Variants in ZNF605 observed in about 807,000 individuals in gnomAD.
ZNF605 encodes zinc finger protein 605.
In ZNF605, 9 loss-of-function variants were observed where a neutral mutation model predicts 7.9. The observed-to-expected ratio is 1.14, with a 90% CI of 0.68 to 1.98. The LOEUF (loss-of-function observed/expected upper bound fraction) is 1.98, where lower values mean the gene tolerates loss of function less well. ZNF605 is among the 30% of genes most tolerant of loss of function. ZNF605 has a pLI of 0.00. For synonymous variants in ZNF605, 255 were observed against 260.1 expected, an observed-to-expected ratio of 0.98 and a Z score of 0.19; for missense variants, 673 against 762.4, an observed-to-expected ratio of 0.88 and a Z score of 1.38.
rs1952215049 is a variant in ZNF605 at position 132,922,648 on chromosome 12, C to A, written c.*2725G>T. ...AACTCAAGAACAATTAATAAAGGCA[C>A]TATTTACAAATATGTGTTCACAATT... On this transcript the variant is annotated 3_prime_UTR_variant, in exon 5 of 5. Coordinates refer to ENST00000360187, the MANE Select transcript of ZNF605 (RefSeq NM_183238.4). The A allele has an allele frequency of 6.6e-6, 1 of 152,164 alleles. No individual in the cohort carries two copies. The highest frequency in any genetic ancestry group is 1.5e-5 in the Non-Finnish European group (1 of 68,038). 9.4% of individuals were successfully genotyped at this position (152,164 alleles called of 1,614,324 possible).
In ZNF605 at chr12:132,925,690, C is replaced by G. The variant is rs1952239890; in HGVS notation, c.1609G>C (p.Glu537Gln). The G allele has an allele frequency of 1.9e-6, 3 of 1,614,092 alleles. No individual in the cohort carries two copies. Among genetic ancestry groups the G allele is most frequent in the Non-Finnish European group, 2.5e-6 (3 of 1,180,032 alleles). Residue 537 changes from glutamate (E) to glutamine (Q), a missense_variant, in exon 5 of 5, where the codon GAA (glutamate) becomes CAA (glutamine). Coordinates refer to ENST00000360187, the MANE Select transcript of ZNF605 (RefSeq NM_183238.4). ...TTCTGAACAAATGCTTTCCCACATT[C>G]ACTGCATTCATAGGGTTTCTCCCCT... ...HTGEKPYECS[E>Q]CGKAFVQKVQ...
In ZNF605 at chr12:132,926,451, C is replaced by T; in HGVS notation, c.848G>A (p.Cys283Tyr). The stretch of plus-strand genomic sequence containing the variant: ...GGAGAATGCTTTCCCACACTCACTG[C>T]AACTGTAGGGTTTCTCTATTGTGTG... Reference protein sequence around the residue: ...ITHTIEKPYSCSECGKAFSQK... With the variant: ...ITHTIEKPYSYSECGKAFSQK... Residue 283 changes from cysteine (C) to tyrosine (Y), a missense_variant, in exon 5 of 5, where the codon TGC (cysteine) becomes TAC (tyrosine). Cys to Tyr is a radical substitution (Grantham distance 194). Coordinates refer to ENST00000360187, the MANE Select transcript of ZNF605 (RefSeq NM_183238.4). 6.2e-7 allele frequency: 1 copy of T among 1,614,162 alleles called. No homozygotes were observed. The highest frequency in any genetic ancestry group is 8.5e-7 in the Non-Finnish European group (1 of 1,180,030).
chr12:132,927,742 C>T (rs1455932369), intron 4 of ZNF605, among the ~76,000 whole-genome samples: 2 of 148,590 alleles, frequency 1.3e-5, no homozygotes, highest in Non-Finnish European at 3.0e-5. Flanking sequence ...CCACAACCTC[C>T]ACCTCCCGGG....
At position 132,924,279 on chromosome 12, in the gene ZNF605, A is replaced by C. The variant is rs1294871766; in HGVS notation, c.*1094T>G. The stretch of plus-strand genomic sequence containing the variant: ...AGTTAATTAGCTGCACTACTAAAAC[A>C]AAACCTTTCTGAGAATTCTACCTGA... On this transcript the variant is annotated 3_prime_UTR_variant, in exon 5 of 5. Transcript: ENST00000360187. 1 of 152,216 alleles carries C rather than the reference A, an allele frequency of 6.6e-6. No individual in the cohort carries two copies. Among genetic ancestry groups the C allele is most frequent in the Non-Finnish European group, 1.5e-5 (1 of 68,044 alleles). 9.4% of individuals were successfully genotyped at this position (152,216 alleles called of 1,614,324 possible). A position where few individuals can be genotyped will look rare whatever the true frequency, so the allele number is the denominator to read the frequency against.
chr12:132,939,460 T>G (rs1388814274), intron 3 of ZNF605, among the ~76,000 whole-genome samples: 1 of 152,034 alleles, frequency 6.6e-6, no homozygotes, highest in Non-Finnish European at 1.5e-5. Context: ...TTGCTCAAGG[T>G]TTGTGAATGC....
At chr12:132,950,893 C>G (rs1239721303) in intron 1 of ZNF605, among the ~76,000 whole-genome samples, 1 of 151,930 alleles carries the variant, frequency 6.6e-6, no homozygotes, top group Non-Finnish European at 1.5e-5. Flanking sequence ...CACATACTCA[C>G]AGACGCACAC....
chr12:132,947,043 G>A (rs1233705258), intron 2 of ZNF605, among the ~76,000 whole-genome samples: 10 of 151,296 alleles, frequency 6.6e-5, no homozygotes, highest in Non-Finnish European at 8.8e-5. Flanking sequence ...GCAGAGTTTC[G>A]CTGTTGTAGC....
chr12:132,946,443 G>A (rs1214543782), intron 2 of ZNF605, among the ~76,000 whole-genome samples: 1 of 152,232 alleles, frequency 6.6e-6, no homozygotes, highest in Non-Finnish European at 1.5e-5. Context: ...TACAGCAGAT[G>A]GGAGCCAGAG....
intron 4 of ZNF605, among the ~76,000 whole-genome samples, chr12:132,928,145 T>C (rs1351719565): frequency 1.3e-5 from 2 of 152,196 alleles, no homozygotes; most frequent in Admixed American, 1.3e-4. Context: ...TGAGGTAATA[T>C]AGTTAAGAAT....
At chr12:132,949,434 C>T (rs747381285) in intron 1 of ZNF605, among the ~76,000 whole-genome samples, 18 of 152,194 alleles carry the variant, frequency 1.2e-4, no homozygotes, top group Admixed American at 4.6e-4. Context: ...CAGAACCCTG[C>T]GCCTTTTGCA....
chr12:132,939,486 GTATC>G (rs1194711709), intron 3 of ZNF605, among the ~76,000 whole-genome samples: 2 of 152,100 alleles, frequency 1.3e-5, no homozygotes, highest in African/African-American at 4.8e-5. Context: ...TTGACACTCT[GTATC>G]TAGCTGCTCT....
At chr12:132,954,841 A>G (rs1952618487) in intron 1 of ZNF605, among the ~76,000 whole-genome samples, 1 of 151,996 alleles carries the variant, frequency 6.6e-6, no homozygotes, top group South Asian at 2.1e-4. Context: ...CGCACTCACA[A>G]CTTGCAACAG....
intron 3 of ZNF605, among the ~76,000 whole-genome samples, chr12:132,944,261 A>G (rs1457920846): frequency 6.6e-6 from 1 of 151,524 alleles, no homozygotes; most frequent in Non-Finnish European, 1.5e-5. Context: ...TCCGTCACCC[A>G]GGCTGGAGTG....
intron 2 of ZNF605, among the ~76,000 whole-genome samples, chr12:132,947,798 T>G (rs1952509597): frequency 4.6e-5 from 7 of 151,162 alleles, no homozygotes. Flanking sequence ...AGGTGGAGTT[T>G]CGCTCTTGTT....
rs138573353 is a variant in ZNF605 at position 132,922,405 on chromosome 12, T to A, written c.*2968A>T. ...GTAACAATCTCCAGAGCCACTGACA[T>A]ATGCAGCAGAAAAGCACAAAGAACT... On this transcript the variant is annotated 3_prime_UTR_variant, in exon 5 of 5. Transcript: ENST00000360187. The A allele has an allele frequency of 4.6e-5, 7 of 152,340 alleles. No individual in the cohort carries two copies. The East Asian group carries it at 1.4e-3, about 29-fold the overall frequency. The allele number at this position is 152,340 out of a possible 1,614,324, so 9.4% of individuals were successfully genotyped here.
intron 1 of ZNF605, among the ~76,000 whole-genome samples, chr12:132,949,760 G>C (rs1952537615): frequency 6.6e-6 from 1 of 152,158 alleles, no homozygotes; most frequent in Admixed American, 6.6e-5. Flanking sequence ...GCTGAACTCT[G>C]GATTCTGACC....
chr12:132,931,025 C>A (rs753623871), intron 4 of ZNF605, among the ~76,000 whole-genome samples: 58 of 152,156 alleles, frequency 3.8e-4, no homozygotes, highest in African/African-American at 1.4e-4. Context: ...TCCAGAAAAA[C>A]CAAATTTTTA....
intron 3 of ZNF605, among the ~76,000 whole-genome samples, chr12:132,944,568 T>C (rs2137154491): frequency 6.6e-6 from 1 of 152,196 alleles, no homozygotes; most frequent in East Asian, 1.9e-4. Context: ...TAATGATCAA[T>C]TCTGCCAGGT....
intron 4 of ZNF605, among the ~76,000 whole-genome samples, chr12:132,928,742 C>T (rs1411894935): frequency 6.6e-6 from 1 of 152,176 alleles, no homozygotes; most frequent in African/African-American, 2.4e-5. Context: ...GGCCTGGTGG[C>T]AGCTCACAAC....
Sources: allele counts gnomAD v4.1 joint callset (sites outside exome capture counted in the v4.1 genomes callset), GRCh38; gene constraint gnomAD v4.1.1; transcripts MANE v1.5; gene names NCBI Gene and HGNC (gene_info 2026-07-23, HGNC 2026-07-21).